Variants in SLC38A7 observed in about 807,000 individuals in gnomAD.
SLC38A7 encodes the protein solute carrier family 38 member 7.
In SLC38A7, 29 loss-of-function variants were observed where a neutral mutation model predicts 50.1. That is an observed-to-expected ratio of 0.58 (90% CI 0.43 to 0.79). SLC38A7 has a LOEUF of 0.79. Among genes scored for constraint, SLC38A7 ranks in the 30% least tolerant of loss-of-function variants. The probability of loss-of-function intolerance (pLI) is 0.00; values close to 1 mark genes in which losing one functional copy is unlikely to be tolerated. For missense variants in SLC38A7, 483 were observed against 610.6 expected, an observed-to-expected ratio of 0.79 and a Z score of 2.20; for synonymous variants, 244 against 245.9, an observed-to-expected ratio of 0.99 and a Z score of 0.07.
chr16:58,679,630 T>A (rs1234492399), intron 3 of SLC38A7: 1 of 572,612 alleles, frequency 1.7e-6, no homozygotes, highest in African/African-American at 1.9e-5. Context: ...ACCTAAAAAA[T>A]TAGAGATGTA....
At position 58,673,083 on chromosome 16, in the gene SLC38A7, A is replaced by ATTTTTTTTTTTTT. The variant is rs34081609; in HGVS notation, c.884-853_884-841dup. Among the ~76,000 whole-genome samples, 7 of 60,392 alleles carry ATTTTTTTTTTTTT rather than the reference A, an allele frequency of 1.2e-4. 1 individual carries two copies. The highest frequency in any genetic ancestry group is 6.5e-4 in the African/African-American group (7 of 10,736). 39.6% of individuals were successfully genotyped at this position (60,392 alleles called of 152,430 possible). ...GCTGGGATTACACCATGCCCGGCTA[A>ATTTTTTTTTTTTT]TTTTTTTTTTTTTTTTTTTTTTTTT... On this transcript the variant is annotated intron_variant, in intron 8 of 11. Transcript: ENST00000219320.
At chr16:58,679,765 T>G in intron 3 of SLC38A7, 92 bp downstream of exon 3, 1 of 1,532,940 alleles carries the variant, frequency 6.5e-7, no homozygotes, top group African/African-American at 1.4e-5. Flanking sequence ...AGTGCGTGTA[T>G]CACTTACTGG....
chr16:58,671,439 T>C, intron 9 of SLC38A7, 195 bp from the exon 10 acceptor site: 1 of 607,264 alleles, frequency 1.6e-6, no homozygotes, highest in Non-Finnish European at 2.9e-6. Flanking sequence ...GTCGAGAGCT[T>C]AGCACTTTGC....
intron 2 of SLC38A7, among the ~76,000 whole-genome samples, chr16:58,682,430 C>G (rs979181896): frequency 5.3e-5 from 8 of 152,048 alleles, no homozygotes; most frequent in Non-Finnish European, 1.2e-4. Flanking sequence ...TCATACAAAA[C>G]TCCATTTTAA....
intron 11 of SLC38A7, among the ~76,000 whole-genome samples, chr16:58,668,713 C>CAAAAAAA (rs71155292): frequency 3.0e-5 from 1 of 33,800 alleles, no homozygotes; most frequent in Non-Finnish European, 5.4e-5. Context: ...AACTCCATCT[C>CAAAAAAA]AAAAAAAAAA....
rs994473869 is a variant in SLC38A7 at position 58,677,510 on chromosome 16, G to A, written c.612-86C>T. The A allele has an allele frequency of 6.9e-6, 8 of 1,151,478 alleles. 1 individual carries two copies. The South Asian group carries it at 1.0e-4, about 15-fold the overall frequency. 71.3% of individuals were successfully genotyped at this position (1,151,478 alleles called of 1,614,324 possible). ...CTAGGGACATCCACCTTCAGCTCTA[G>A]CGACCACAAGTGTCCACTGAATGAA... On this transcript the variant is annotated intron_variant, in intron 5 of 11. Coordinates refer to ENST00000219320, the MANE Select transcript of SLC38A7 (RefSeq NM_018231.3).
intron 2 of SLC38A7, among the ~76,000 whole-genome samples, chr16:58,682,128 G>T (rs1466035433): frequency 6.6e-6 from 1 of 152,146 alleles, no homozygotes; most frequent in Admixed American, 6.6e-5. Context: ...CTGCACTCCA[G>T]TCTGGGCGAC....
intron 11 of SLC38A7, among the ~76,000 whole-genome samples, chr16:58,668,211 G>C (rs112025635): frequency 1.6e-3 from 236 of 151,864 alleles, no homozygotes; most frequent in African/African-American, 5.5e-3. Flanking sequence ...GCCAAGGCAG[G>C]TGGATCACCT....
At chr16:58,672,042 T>C in intron 9 of SLC38A7, 54 bp downstream of exon 9, 1 of 1,392,792 alleles carries the variant, frequency 7.2e-7, no homozygotes, top group Admixed American at 2.4e-5. Context: ...AAGGACCATG[T>C]TGGAAGCGCT....
chr16:58,678,344 C>T lies in SLC38A7; in HGVS notation c.600G>A (p.Gln200=). ...PLSIPREIGF[Q]KYASFLSVVG... Reference sequence around the variant, plus strand: ...TGGGGCCTCCAAACCTGGCATATTTCTGGAAACCAATCTCCCTGGGGATGG... The same window carrying T: ...TGGGGCCTCCAAACCTGGCATATTTTTGGAAACCAATCTCCCTGGGGATGG... The change falls in exon 5 of 12, where the codon CAG becomes CAA. Residue 200 remains glutamine, a synonymous_variant. Coordinates refer to ENST00000219320, the MANE Select transcript of SLC38A7 (RefSeq NM_018231.3). This position sits in a 1 kb window ranked among gnomAD's most constrained non-coding sequence, Gnocchi z 4.0. 6.4e-7 allele frequency: 1 copy of T among 1,562,148 alleles called. No individual in the cohort carries two copies. Among genetic ancestry groups the T allele is most frequent in the East Asian group, 2.3e-5 (1 of 44,274 alleles).
intron 8 of SLC38A7, among the ~76,000 whole-genome samples, chr16:58,673,224 G>A (rs933099821): frequency 9.4e-5 from 13 of 137,576 alleles, no homozygotes; most frequent in Non-Finnish European, 1.4e-4. Context: ...GTCACCTGCC[G>A]CCACACCTGG....
chr16:58,670,960 T>C, intron 10 of SLC38A7, 85 bp downstream of exon 10: 1 of 1,456,012 alleles, frequency 6.9e-7, no homozygotes, highest in Non-Finnish European at 9.4e-7. Flanking sequence ...CTCCTGCATG[T>C]TTTGAGCAAG....
rs1260021496 is a variant in SLC38A7 at position 58,672,097 on chromosome 16, G to A, written c.1030C>T (p.Arg344Trp). ...CCTGGGGAGTGGAAGGGGGCTCACC[G>A]CCCACAGAAGTGCAGGATAGGGTAG... is the stretch of plus-strand genomic sequence containing the variant. ...TSYPILHFCG[R>W]AVVEGLWLRY... Residue 344 changes from arginine (R) to tryptophan (W), a missense_variant and splice_region_variant, in exon 9 of 12, where the codon CGG becomes TGG. Arg to Trp is a moderately radical substitution (Grantham distance 101). Coordinates refer to ENST00000219320, the MANE Select transcript of SLC38A7 (RefSeq NM_018231.3). 9 of 1,554,802 alleles carry A rather than the reference G, an allele frequency of 5.8e-6. No homozygotes were observed. Among genetic ancestry groups the A allele is most frequent in the South Asian group, 2.4e-5 (2 of 84,070 alleles).
intron 8 of SLC38A7, among the ~76,000 whole-genome samples, chr16:58,675,724 C>T (rs1205246501): frequency 1.3e-5 from 2 of 152,104 alleles, no homozygotes; most frequent in Non-Finnish European, 2.9e-5. Context: ...CTGGCACTTC[C>T]TAGGCACCAA....
At chr16:58,670,926 T>G (rs2044146516) in intron 10 of SLC38A7, 119 bp downstream of exon 10, 2 of 1,054,078 alleles carry the variant, frequency 1.9e-6, no homozygotes, top group Non-Finnish European at 2.8e-6. Flanking sequence ...AGACAGGTGA[T>G]CAATTAGTGC....
At chr16:58,676,741 T>C (rs192749506) in intron 6 of SLC38A7, among the ~76,000 whole-genome samples, 5,911 of 152,230 alleles carry the variant, frequency 0.039, 378 homozygotes, top group African/African-American at 0.14. Flanking sequence ...AACTTCTGCC[T>C]CCCAGGTTCA....
In SLC38A7 at chr16:58,677,384, C is replaced by T. The variant is rs765079849; in HGVS notation, c.652G>A (p.Val218Ile). Residue 218 changes from valine to isoleucine, a missense_variant, in exon 6 of 12, where the codon GTT becomes ATT. Val to Ile is a conservative substitution (Grantham distance 29, BLOSUM62 3). Coordinates refer to ENST00000219320, the MANE Select transcript of SLC38A7 (RefSeq NM_018231.3). ...VVGTWYVTAI[V>I]IIKYIWPDKE... Reference sequence around the variant, plus strand: ...TCTGGCCAGATGTACTTGATGATAACGATGGCTGTGACGTACCAGGTACCC... The same window carrying T: ...TCTGGCCAGATGTACTTGATGATAATGATGGCTGTGACGTACCAGGTACCC... 2.7e-5 allele frequency: 44 copies of T among 1,613,948 alleles called. No homozygotes were observed. The highest frequency in any genetic ancestry group is 3.3e-4 in the Middle Eastern group (2 of 6,084).
Position 58,680,018 on chromosome 16 carries a change from T to A in SLC38A7, c.109A>T (p.Ser37Cys). The A allele has an allele frequency of 6.2e-7, 1 of 1,610,382 alleles. No individual in the cohort carries two copies. The highest frequency in any genetic ancestry group is 8.5e-7 in the Non-Finnish European group (1 of 1,177,932). ...QSPCVDTAPK[S>C]EWEASPGGLD... ...CCCCCAGGAGAGGCTTCCCACTCAC[T>A]CTTGGGGGCTGTGTCCACACAGGGA... Residue 37 changes from serine (S) to cysteine (C), a missense_variant, in exon 3 of 12, where the codon AGT (serine) becomes TGT (cysteine). Ser to Cys is a moderately radical substitution (Grantham distance 112). Transcript: ENST00000219320.
At chr16:58,670,310 A>T in intron 10 of SLC38A7, 143 bp from the exon 11 acceptor site, 9 of 736,226 alleles carry the variant, frequency 1.2e-5, no homozygotes, top group Non-Finnish European at 1.8e-5. Flanking sequence ...CCCCCACACC[A>T]CATCCTGCTG....
Sources: allele counts gnomAD v4.1 joint callset (sites outside exome capture counted in the v4.1 genomes callset), GRCh38; gene constraint gnomAD v4.1.1; non-coding constraint Gnocchi (gnomAD v3.1); transcripts MANE v1.5; gene names NCBI Gene and HGNC (gene_info 2026-07-23, HGNC 2026-07-21).